LINGO2: variants seen among roughly 807,000 people sequenced by gnomAD.
LINGO2 encodes the protein leucine-rich repeat and immunoglobulin-like domain-containing nogo receptor-interacting protein 2.
Under a neutral mutation model 30.6 loss-of-function variants are expected in LINGO2, and 14 were observed. That is an observed-to-expected ratio of 0.46 (90% confidence interval 0.30 to 0.72). The LOEUF (loss-of-function observed/expected upper bound fraction) is 0.72. Among genes scored for constraint, LINGO2 ranks in the 30% least tolerant of loss-of-function variants. The pLI is 0.07. For synonymous variants in LINGO2, 317 were observed against 288.5 expected, an observed-to-expected ratio of 1.10 and a Z score of -1.00; for missense variants, 729 against 751.7, an observed-to-expected ratio of 0.97 and a Z score of 0.35.
At chr9:28,199,450 T>C (rs1175602317) in intron 4 of LINGO2, among the ~76,000 whole-genome samples, 2 of 151,878 alleles carry the variant, frequency 1.3e-5, no homozygotes, top group Non-Finnish European at 2.9e-5. Flanking sequence ...GCCATTCTCC[T>C]GCCTCAGCCT....
At chr9:28,711,830 A>G in the LINGO2 span, among the ~76,000 whole-genome samples, 1 of 152,156 alleles carries the variant, frequency 6.6e-6, no homozygotes, top group East Asian at 1.9e-4. Context: ...CCTTGCCCAG[A>G]TAAGAACTCA....
chr9:28,595,103 C>T (rs1279570957), intron 1 of LINGO2, among the ~76,000 whole-genome samples: 1 of 151,994 alleles, frequency 6.6e-6, no homozygotes, highest in African/African-American at 2.4e-5. Flanking sequence ...ATCAATTACT[C>T]CACTGTTATC....
the LINGO2 span, among the ~76,000 whole-genome samples, chr9:29,135,608 A>G: frequency 5.9e-5 from 9 of 152,100 alleles, no homozygotes; most frequent in East Asian, 1.7e-3. Flanking sequence ...TTCCAATGGA[A>G]GTGTACATTT....
chr9:28,481,168 T>C (rs552276029), intron 1 of LINGO2, among the ~76,000 whole-genome samples: 3 of 152,294 alleles, frequency 2.0e-5, no homozygotes, highest in African/African-American at 7.2e-5. Flanking sequence ...GCTCATTTCC[T>C]ATGTGCAAAT....
intron 4 of LINGO2, among the ~76,000 whole-genome samples, chr9:28,084,221 C>A (rs187405421): frequency 6.6e-6 from 1 of 152,188 alleles, no homozygotes; most frequent in East Asian, 1.9e-4. Flanking sequence ...TTAAAAGAGA[C>A]AACTTTGTTG....
chr9:28,350,933 G>T (rs1389881611), intron 3 of LINGO2, among the ~76,000 whole-genome samples: 1 of 151,886 alleles, frequency 6.6e-6, no homozygotes, highest in African/African-American at 2.4e-5. Flanking sequence ...CAGAAATAAA[G>T]ATGTTCTTTG....
chr9:29,082,050 A>C, the LINGO2 span, among the ~76,000 whole-genome samples: 3 of 152,116 alleles, frequency 2.0e-5, no homozygotes. Flanking sequence ...GCTACCAATG[A>C]CTTTCTTCAC....
At chr9:28,558,195 G>C (rs1822852394) in intron 1 of LINGO2, among the ~76,000 whole-genome samples, 2 of 150,698 alleles carry the variant, frequency 1.3e-5, no homozygotes, top group Admixed American at 6.6e-5. Context: ...TGGGTCTGTT[G>C]AACCCATTTT....
chr9:28,902,042 T>A, the LINGO2 span, among the ~76,000 whole-genome samples: 2 of 151,976 alleles, frequency 1.3e-5, no homozygotes, highest in African/African-American at 4.8e-5. Context: ...ATAATAACAA[T>A]AATAATAATG....
the LINGO2 span, among the ~76,000 whole-genome samples, chr9:29,100,538 G>T: frequency 2.6e-5 from 4 of 151,368 alleles, no homozygotes; most frequent in Non-Finnish European, 5.9e-5. Context: ...AAGTTACAAT[G>T]AACCAAGATT....
chr9:28,406,214 T>A (rs1328967658), intron 2 of LINGO2, among the ~76,000 whole-genome samples: 1 of 152,074 alleles, frequency 6.6e-6, no homozygotes, highest in Non-Finnish European at 1.5e-5. Flanking sequence ...GGTGGGCAGA[T>A]CACTTGAGGT....
At chr9:29,212,765 C>G in the LINGO2 span, among the ~76,000 whole-genome samples, 2 of 152,162 alleles carry the variant, frequency 1.3e-5, no homozygotes, top group African/African-American at 4.8e-5. Context: ...TGGGCAGCGC[C>G]GCACCGGCTA....
At chr9:27,984,938 T>G (rs1268746256) in intron 5 of LINGO2, among the ~76,000 whole-genome samples, 2 of 151,906 alleles carry the variant, frequency 1.3e-5, no homozygotes, top group East Asian at 3.9e-4. Context: ...AAATAGCGTA[T>G]TTAATTATAA....
intron 5 of LINGO2, among the ~76,000 whole-genome samples, chr9:28,003,435 T>TA (rs1308185302): frequency 6.6e-6 from 1 of 151,978 alleles, no homozygotes; most frequent in Non-Finnish European, 1.5e-5. Context: ...TGTTTACTAT[T>TA]AGAGGTGTTT....
chr9:28,360,630 C>T (rs559945254), intron 3 of LINGO2, among the ~76,000 whole-genome samples: 123 of 152,250 alleles, frequency 8.1e-4, no homozygotes, highest in African/African-American at 2.8e-3. Flanking sequence ...TGCCTGAAAC[C>T]GCAGATAGTA....
At chr9:28,370,517 G>A (rs1820853926) in intron 3 of LINGO2, among the ~76,000 whole-genome samples, 1 of 152,118 alleles carries the variant, frequency 6.6e-6, no homozygotes, top group South Asian at 2.1e-4. Context: ...ATAATGAACT[G>A]CACAACATTT....
chr9:28,100,848 C>T (rs1452357), intron 4 of LINGO2, among the ~76,000 whole-genome samples: 54,207 of 151,910 alleles, frequency 0.36, 10,431 homozygotes, highest in East Asian at 0.66. Flanking sequence ...GCTTTGCGTA[C>T]GATTGTGTTT....
chr9:28,587,106 A>C (rs1344636419), intron 1 of LINGO2, among the ~76,000 whole-genome samples: 3 of 152,008 alleles, frequency 2.0e-5, no homozygotes, highest in African/African-American at 4.8e-5. Flanking sequence ...TATTTTGCAC[A>C]TTGGGAACTG....
At chr9:28,047,887 G>C (rs1198096441) in intron 4 of LINGO2, among the ~76,000 whole-genome samples, 1 of 150,680 alleles carries the variant, frequency 6.6e-6, no homozygotes, top group Non-Finnish European at 1.5e-5. Context: ...TTACTTATCT[G>C]TTCACCCCAG....
Sources: allele counts gnomAD v4.1 joint callset (sites outside exome capture counted in the v4.1 genomes callset), GRCh38; gene constraint gnomAD v4.1.1; transcripts MANE v1.5; gene names NCBI Gene and HGNC (gene_info 2026-07-23, HGNC 2026-07-21).